AQP9: variants seen among roughly 807,000 people sequenced by gnomAD.
AQP9 encodes the protein aquaporin 9, also known as aquaporin-9.
Under a neutral mutation model 23.8 loss-of-function variants are expected in AQP9, and 19 were observed. The ratio of observed to expected loss-of-function variants is 0.80; its 90% CI spans 0.56 to 1.17. The LOEUF is 1.17. AQP9 is among the 50% of genes most tolerant of loss of function. AQP9 has a pLI of 0.00. For missense variants in AQP9, 413 were observed against 362.0 expected, an observed-to-expected ratio of 1.14 and a Z score of -1.14; for synonymous variants, 153 against 131.5, an observed-to-expected ratio of 1.16 and a Z score of -1.12.
intron 1 of AQP9, 157 bp downstream of exon 1, chr15:58,138,833 A>G (rs2140578068): frequency 3.2e-6 from 2 of 626,716 alleles, no homozygotes; most frequent in East Asian, 5.7e-5. Context: ...CTGTTTGACT[A>G]TTTAGGGGTT....
chr15:58,142,609 C>T (rs866488839), intron 1 of AQP9, among the ~76,000 whole-genome samples: 1 of 152,156 alleles, frequency 6.6e-6, no homozygotes, highest in African/African-American at 2.4e-5. Flanking sequence ...ATTGACCAAG[C>T]ATTGCACTGT....
chr15:58,173,345 T>C, intron 3 of AQP9, 140 bp downstream of exon 3: 1 of 1,241,316 alleles, frequency 8.1e-7, no homozygotes, highest in Non-Finnish European at 1.1e-6. Context: ...TTTGAGAAAA[T>C]GAGGCCATAT....
rs372018630 is a variant in AQP9 at position 58,173,210 on chromosome 15, G to A, written c.376+5G>A. 255 of 1,613,990 alleles carry A rather than the reference G, an allele frequency of 1.6e-4. No individual in the cohort carries two copies. Among genetic ancestry groups the A allele is most frequent in the Non-Finnish European group, 2.0e-4 (241 of 1,180,010 alleles). ...CCGTCTTTGGCATTTACTATGGTGA[G>A]TAAAGTCCCTGAGTCCTAAGGTTAG... is the stretch of plus-strand genomic sequence containing the variant. On this transcript the variant is annotated splice_donor_5th_base_variant and intron_variant, in intron 3 of 5. Coordinates refer to ENST00000219919, the MANE Select transcript of AQP9 (RefSeq NM_020980.5).
intron 4 of AQP9, among the ~76,000 whole-genome samples, chr15:58,176,440 C>T (rs1293064988): frequency 1.3e-5 from 2 of 151,892 alleles, no homozygotes; most frequent in African/African-American, 4.8e-5. Context: ...ATAGCTTGCA[C>T]CCAGGAGTTG....
Position 58,184,234 on chromosome 15 carries a change from C to A in AQP9, c.*99C>A. ...CTTGTAAGCCTGAGGTGGAATCCAC[C>A]CAGTTTTGTCTGCTAGCCATATGGG... On this transcript the variant is annotated 3_prime_UTR_variant, in exon 6 of 6. Coordinates refer to ENST00000219919, the MANE Select transcript of AQP9 (RefSeq NM_020980.5). The A allele has an allele frequency of 2.3e-6, 3 of 1,309,464 alleles. No individual in the cohort carries two copies. The highest frequency in any genetic ancestry group is 2.4e-5 in the East Asian group (1 of 42,364). 81.1% of individuals were successfully genotyped at this position (1,309,464 alleles called of 1,614,324 possible). A position where few individuals can be genotyped will look rare whatever the true frequency, so the allele number is the denominator to read the frequency against.
At chr15:58,156,576 G>T (rs574338964) in intron 1 of AQP9, among the ~76,000 whole-genome samples, 1 of 152,124 alleles carries the variant, frequency 6.6e-6, no homozygotes, top group African/African-American at 2.4e-5. Context: ...ACATAACCTC[G>T]CAGCCCAGTA....
In AQP9 at chr15:58,185,839, C is replaced by T. The variant is rs910675800; in HGVS notation, c.*1704C>T. The stretch of plus-strand genomic sequence containing the variant: ...TTATGTTCTACAATCTATGGACATA[C>T]GGGATTTTTTTTTCTTGCTTTGAAG... On this transcript the variant is annotated 3_prime_UTR_variant, in exon 6 of 6. Transcript: ENST00000219919. The T allele has an allele frequency of 3.3e-5, 5 of 152,242 alleles. No homozygotes were observed. The highest frequency in any genetic ancestry group is 1.9e-4 in the East Asian group (1 of 5,188). 9.4% of individuals were successfully genotyped at this position (152,242 alleles called of 1,614,324 possible). A position where few individuals can be genotyped will look rare whatever the true frequency, so the allele number is the denominator to read the frequency against.
Position 58,172,478 on chromosome 15 carries a change from G to A in AQP9, c.239-590G>A, listed in dbSNP as rs754914588. ...CTCAGGAAAGGGTTGCTACATTTCT[G>A]TATAGGAGAGAAATGCATTGTTTAT... On this transcript the variant is annotated intron_variant, in intron 2 of 5. Coordinates refer to ENST00000219919, the MANE Select transcript of AQP9 (RefSeq NM_020980.5). 2.0e-5 allele frequency among the ~76,000 whole-genome samples: 3 copies of A among 152,190 alleles called. No individual in the cohort carries two copies. The East Asian group carries it at 5.8e-4, about 29-fold the overall frequency.
At position 58,165,403 on chromosome 15, in the gene AQP9, A is replaced by G. The variant is rs147716471; in HGVS notation, c.112-1270A>G. Among the ~76,000 whole-genome samples the G allele has an allele frequency of 3.3e-3, 504 of 152,352 alleles. 4 individuals are homozygous for G. Among genetic ancestry groups the G allele is most frequent in the African/African-American group, 0.011 (471 of 41,574 alleles). On this transcript the variant is annotated intron_variant, in intron 1 of 5. Coordinates refer to ENST00000219919, the MANE Select transcript of AQP9 (RefSeq NM_020980.5). ...TTAGAAAACAGATGGGTTTTAAAAAAGAGAGGATATACAATGAAAAGTTCT... is the reference window on the plus strand; with the variant it reads ...TTAGAAAACAGATGGGTTTTAAAAAGGAGAGGATATACAATGAAAAGTTCT...
At chr15:58,166,230 A>G (rs985277517) in intron 1 of AQP9, among the ~76,000 whole-genome samples, 6 of 152,188 alleles carry the variant, frequency 3.9e-5, no homozygotes, top group African/African-American at 1.4e-4. Flanking sequence ...GGGATCCCCA[A>G]CTGCTACTGT....
intron 1 of AQP9, chr15:58,152,019 A>G (rs1294611671): frequency 6.6e-6 from 1 of 152,190 alleles, no homozygotes; most frequent in African/African-American, 2.4e-5. Flanking sequence ...GCCATATAGC[A>G]CTTGTTATTA....
At chr15:58,169,021 T>C (rs1394641890) in intron 2 of AQP9, among the ~76,000 whole-genome samples, 5 of 152,122 alleles carry the variant, frequency 3.3e-5, no homozygotes, top group African/African-American at 4.8e-5. Flanking sequence ...AATCCATATC[T>C]GATTCTGTCC....
intron 4 of AQP9, among the ~76,000 whole-genome samples, chr15:58,175,969 A>G (rs1898744996): frequency 6.6e-6 from 1 of 152,202 alleles, no homozygotes; most frequent in Admixed American, 6.5e-5. Flanking sequence ...AGTTGTAAAG[A>G]TCCAAGATGC....
chr15:58,146,908 G>A (rs1279655341), intron 1 of AQP9: 1 of 152,202 alleles, frequency 6.6e-6, no homozygotes, highest in South Asian at 2.1e-4. Context: ...AAGAGACCTC[G>A]TGCTTCCTAC....
chr15:58,181,503 T>C (rs1898888549), intron 5 of AQP9, among the ~76,000 whole-genome samples: 1 of 152,170 alleles, frequency 6.6e-6, no homozygotes, highest in Non-Finnish European at 1.5e-5. Context: ...TTGGATATGC[T>C]TAAACAAGCA....
At chr15:58,180,080 G>A (rs1001319510) in intron 5 of AQP9, among the ~76,000 whole-genome samples, 3 of 152,128 alleles carry the variant, frequency 2.0e-5, no homozygotes, top group Non-Finnish European at 2.9e-5. Context: ...GAGGAAATAC[G>A]CCAACTGTTG....
In AQP9 at chr15:58,146,389, T is replaced by C. The variant is rs191921433; in HGVS notation, c.111+7713T>C. On this transcript the variant is annotated intron_variant, in intron 1 of 5. Transcript: ENST00000219919. ...CTATTTGGTTCTATCTAATCTTCTG[T>C]TTAACACGTTCATTGAGTCTTTAGT... 3.9e-5 allele frequency among the ~76,000 whole-genome samples: 6 copies of C among 152,310 alleles called. No individual in the cohort carries two copies. In the East Asian group the frequency reaches 1.2e-3, roughly 29 times the overall value.
intron 1 of AQP9, chr15:58,153,596 TA>T (rs1265256924): frequency 1.3e-5 from 2 of 152,170 alleles, no homozygotes; most frequent in East Asian, 1.9e-4. Flanking sequence ...CATGCCTTTT[TA>T]AAAGCTATAT....
At chr15:58,175,232 C>T (rs1455362468) in intron 4 of AQP9, among the ~76,000 whole-genome samples, 196 bp downstream of exon 4, 3 of 152,192 alleles carry the variant, frequency 2.0e-5, no homozygotes, top group Non-Finnish European at 4.4e-5. Context: ...AAGTTTTCTC[C>T]TTCCTCTTTA....
Sources: gnomAD v4.1 joint callset for allele counts (sites outside exome capture counted in the v4.1 genomes callset) on GRCh38, gnomAD v4.1.1 for gene constraint, MANE v1.5 for transcripts, NCBI Gene and HGNC (gene_info 2026-07-23, HGNC 2026-07-21) for gene names.